Variants in RUNX1 observed in about 807,000 individuals in gnomAD.
The protein encoded by RUNX1 is RUNX family transcription factor 1, also known as runt-related transcription factor 1.
Under a neutral mutation model 42.8 loss-of-function variants are expected in RUNX1, and 19 were observed. That is an observed-to-expected ratio of 0.44 (90% CI 0.31 to 0.65). The LOEUF (loss-of-function observed/expected upper bound fraction) is 0.65, where lower values mean the gene tolerates loss of function less well. Among genes scored for constraint, RUNX1 ranks in the 30% least tolerant of loss-of-function variants. The probability of loss-of-function intolerance (pLI) is 0.07; values close to 1 mark genes in which losing one functional copy is unlikely to be tolerated. For missense variants in RUNX1, 528 were observed against 672.0 expected, an observed-to-expected ratio of 0.79 and a Z score of 2.37; for synonymous variants, 271 against 289.4, an observed-to-expected ratio of 0.94 and a Z score of 0.64.
In RUNX1 at chr21:34,900,980, T is replaced by A. The variant is rs147250468; in HGVS notation, c.59-8017A>T. Among the ~76,000 whole-genome samples, 60 of 152,324 alleles carry A rather than the reference T, an allele frequency of 3.9e-4. 1 individual carries two copies. In the East Asian group the frequency reaches 0.011, roughly 27 times the overall value. ...AGCATATAAATTTTTCAAAAAGCCA[T>A]CAATGTTTCAGTTTGCTGGCAATCT... On this transcript the variant is annotated intron_variant, in intron 2 of 8. Transcript: ENST00000675419.
In RUNX1 at chr21:34,789,365, G is replaced by C. The variant is rs75192893; in HGVS notation, c.*2770C>G. 0.027 allele frequency: 6,344 copies of C among 233,686 alleles called. 111 individuals carry two copies. Among genetic ancestry groups the C allele is most frequent in the Non-Finnish European group, 0.039 (4,621 of 118,084 alleles). The allele number at this position is 233,686 out of a possible 1,614,324, so 14.5% of individuals were successfully genotyped here. ...AGAGAGGGAGGGAAATGTATTTTCAGATAGTGAGAAAAAGAAAGAACTGAA... is the reference window on the plus strand; with the variant it reads ...AGAGAGGGAGGGAAATGTATTTTCACATAGTGAGAAAAAGAAAGAACTGAA... On this transcript the variant is annotated 3_prime_UTR_variant, in exon 9 of 9. Coordinates refer to ENST00000675419, the MANE Select transcript of RUNX1 (RefSeq NM_001754.5).
At chr21:34,899,126 C>G (rs972046882) in intron 2 of RUNX1, among the ~76,000 whole-genome samples, 16 of 152,124 alleles carry the variant, frequency 1.1e-4, no homozygotes, top group African/African-American at 3.9e-4. Flanking sequence ...GTTGTCCACG[C>G]TGGTCTCGAA....
At chr21:34,985,730 C>T (rs1212416547) in intron 2 of RUNX1, among the ~76,000 whole-genome samples, 1 of 152,084 alleles carries the variant, frequency 6.6e-6, no homozygotes, top group Non-Finnish European at 1.5e-5. Context: ...TTTATTCACT[C>T]ATATTTTATT....
At chr21:34,953,139 T>A (rs1306799625) in intron 2 of RUNX1, among the ~76,000 whole-genome samples, 1 of 152,150 alleles carries the variant, frequency 6.6e-6, no homozygotes, top group African/African-American at 2.4e-5. Flanking sequence ...TTTTTTTTTT[T>A]TAAATCTACG....
At chr21:35,046,146 C>T (rs745921686) in intron 2 of RUNX1, among the ~76,000 whole-genome samples, 13 of 152,170 alleles carry the variant, frequency 8.5e-5, no homozygotes, top group Admixed American at 2.0e-4. Flanking sequence ...ATTTCAATCG[C>T]ATCTTGTCTT....
intron 7 of RUNX1, among the ~76,000 whole-genome samples, chr21:34,817,975 G>C (rs1408276917): frequency 1.3e-5 from 2 of 152,246 alleles, no homozygotes; most frequent in Non-Finnish European, 2.9e-5. Flanking sequence ...ACAGGGGACA[G>C]GAAGGCTGAA....
At chr21:34,979,439 G>T (rs2058830411) in intron 2 of RUNX1, among the ~76,000 whole-genome samples, 1 of 151,946 alleles carries the variant, frequency 6.6e-6, no homozygotes, top group African/African-American at 2.4e-5. Flanking sequence ...CTTTCCATAG[G>T]TATTTTATCA....
intron 7 of RUNX1, among the ~76,000 whole-genome samples, chr21:34,825,692 G>T (rs2056976935): frequency 6.6e-6 from 1 of 152,182 alleles, no homozygotes; most frequent in South Asian, 2.1e-4. Context: ...TTTGAACGGT[G>T]GCTCCAGAAC....
At chr21:35,047,865 G>A (rs1189678057) in intron 2 of RUNX1, among the ~76,000 whole-genome samples, 2 of 152,156 alleles carry the variant, frequency 1.3e-5, no homozygotes, top group South Asian at 2.1e-4. Context: ...TGCGTGCCCC[G>A]ACGCACACGG....
chr21:34,895,039 C>A (rs2058118866), intron 2 of RUNX1, among the ~76,000 whole-genome samples: 1 of 152,048 alleles, frequency 6.6e-6, no homozygotes. Flanking sequence ...ACTCTGATCT[C>A]ATCTTTCACT....
chr21:34,979,734 T>G (rs987936574), intron 2 of RUNX1, among the ~76,000 whole-genome samples: 6 of 152,242 alleles, frequency 3.9e-5, no homozygotes, highest in Admixed American at 3.3e-4. Flanking sequence ...CGGTTTTAAG[T>G]GCATTAGATA....
intron 2 of RUNX1, among the ~76,000 whole-genome samples, chr21:34,924,766 G>T (rs2058380391): frequency 6.6e-6 from 1 of 152,148 alleles, no homozygotes; most frequent in African/African-American, 2.4e-5. Flanking sequence ...CAATAGACTG[G>T]GTGGCTTAAA....
At chr21:34,996,308 A>C (rs1200714453) in intron 2 of RUNX1, among the ~76,000 whole-genome samples, 1 of 152,126 alleles carries the variant, frequency 6.6e-6, no homozygotes, top group Non-Finnish European at 1.5e-5. Flanking sequence ...GAGGAGGGCT[A>C]AATGGAGGGA....
intron 2 of RUNX1, among the ~76,000 whole-genome samples, chr21:35,039,428 A>C (rs980951009): frequency 6.6e-6 from 1 of 152,198 alleles, no homozygotes; most frequent in Non-Finnish European, 1.5e-5. Flanking sequence ...CAGTTTAAAA[A>C]TATTTATAAT....
chr21:34,919,978 G>A (rs1049880649), intron 2 of RUNX1, among the ~76,000 whole-genome samples: 1 of 152,174 alleles, frequency 6.6e-6, no homozygotes, highest in Admixed American at 6.5e-5. Context: ...ACTTGGACTT[G>A]GGCAGTGAAT....
At chr21:35,016,563 C>A (rs1437619337) in intron 2 of RUNX1, among the ~76,000 whole-genome samples, 5 of 152,122 alleles carry the variant, frequency 3.3e-5, no homozygotes, top group Admixed American at 2.6e-4. Flanking sequence ...TAAACTCAGG[C>A]AAATTATAAA....
intron 2 of RUNX1, among the ~76,000 whole-genome samples, chr21:34,964,089 G>A (rs576971679): frequency 6.6e-6 from 1 of 152,296 alleles, no homozygotes; most frequent in African/African-American, 2.4e-5. Flanking sequence ...TAGCCCAGTT[G>A]GGGGATACGT....
intron 6 of RUNX1, among the ~76,000 whole-genome samples, chr21:34,851,815 C>A (rs1406012888): frequency 6.6e-6 from 1 of 152,100 alleles, no homozygotes; most frequent in African/African-American, 2.4e-5. Context: ...TTTCACATTA[C>A]CTGGAAGGAA....
chr21:34,978,348 A>C (rs79264817), intron 2 of RUNX1, among the ~76,000 whole-genome samples: 2,295 of 152,286 alleles, frequency 0.015, 62 homozygotes, highest in African/African-American at 0.053. Context: ...TTTCTACAGA[A>C]CTCAAAAATA....
Sources: allele counts gnomAD v4.1 joint callset (sites outside exome capture counted in the v4.1 genomes callset), GRCh38; gene constraint gnomAD v4.1.1; transcripts MANE v1.5; gene names NCBI Gene and HGNC (gene_info 2026-07-23, HGNC 2026-07-21).